Variants in E2F6 observed in about 807,000 individuals in gnomAD.
E2F6 encodes the protein E2F transcription factor 6.
Under a neutral mutation model 31.5 loss-of-function variants are expected in E2F6, and 19 were observed. The ratio of observed to expected loss-of-function variants is 0.60; its 90% CI spans 0.42 to 0.89. The LOEUF (loss-of-function observed/expected upper bound fraction) is 0.89. Among genes scored for constraint, E2F6 ranks in the 40% least tolerant of loss-of-function variants. E2F6 has a pLI of 0.00. For missense variants in E2F6, 269 were observed against 341.6 expected (o/e 0.79, Z 1.67); for synonymous variants, 121 against 127.7 (o/e 0.95, Z 0.36).
rs1243475130 is a variant in E2F6 at position 11,445,636 on chromosome 2, G to A, written c.*841C>T. The A allele has an allele frequency of 6.6e-6, 1 of 152,034 alleles. No individual in the cohort carries two copies. Among genetic ancestry groups the A allele is most frequent in the African/African-American group, 2.4e-5 (1 of 41,382 alleles). The allele number at this position is 152,034 out of a possible 1,614,324, so 9.4% of individuals were successfully genotyped here. ...CAATTATCACCATGACTGAATTCAT[G>A]TTTCACAATGAATTCAGCTATTTCC... On this transcript the variant is annotated 3_prime_UTR_variant, in exon 7 of 7. Transcript: ENST00000381525.
Position 11,466,036 on chromosome 2 carries a change from C to T in E2F6, c.-157G>A. 1.7e-6 allele frequency: 1 copy of T among 602,202 alleles called. No individual in the cohort carries two copies. The allele number at this position is 602,202 out of a possible 1,614,324, so 37.3% of individuals were successfully genotyped here. ...GAGGCGCCGCCCGGCTAGGCCGTCC[C>T]GCCCGCCAGTAAACGCGGCACGGCC... On this transcript the variant is annotated 5_prime_UTR_variant, in exon 1 of 7. Transcript: ENST00000381525.
At position 11,451,635 on chromosome 2, in the gene E2F6, T is replaced by C. The variant is rs1222282321; in HGVS notation, c.536+16A>G. 2 of 1,602,560 alleles carry C rather than the reference T, an allele frequency of 1.2e-6. No individual in the cohort carries two copies. The highest frequency in any genetic ancestry group is 1.7e-5 in the Admixed American group (1 of 57,832). On this transcript the variant is annotated intron_variant, in intron 4 of 6. Coordinates refer to ENST00000381525, the MANE Select transcript of E2F6 (RefSeq NM_198256.4). ...TGGAAGCAGAAATTTTAAAAAGGTA[T>C]AGACTTAAAGGATATCTTTCATTTT...
chr2:11,450,237 G>T, intron 4 of E2F6, 111 bp from the exon 5 acceptor site: 1 of 559,580 alleles, frequency 1.8e-6, no homozygotes, highest in South Asian at 3.3e-5. Flanking sequence ...TAGTTTTTAT[G>T]AGATACAAGT....
At chr2:11,458,625 A>G (rs887367868) in intron 1 of E2F6, among the ~76,000 whole-genome samples, 6 of 152,258 alleles carry the variant, frequency 3.9e-5, no homozygotes, top group African/African-American at 1.4e-4. Flanking sequence ...TATGGCAGCA[A>G]TATGGCAAAA....
chr2:11,450,175 G>A, intron 4 of E2F6, 49 bp from the exon 5 acceptor site: 1 of 1,248,730 alleles, frequency 8.0e-7, no homozygotes, highest in South Asian at 1.3e-5. Flanking sequence ...TACTGGGGAG[G>A]TAATTTATCT....
chr2:11,453,477 CCTTTGTATTAT>C, intron 3 of E2F6, 94 bp downstream of exon 3: 2 of 1,050,744 alleles, frequency 1.9e-6, no homozygotes. Context: ...AGAAGTCGTA[CCTTTGTATTAT>C]ATTGTCAAAA....
At chr2:11,447,405 C>G (rs1670784564) in intron 6 of E2F6, among the ~76,000 whole-genome samples, 1 of 152,172 alleles carries the variant, frequency 6.6e-6, no homozygotes, top group Non-Finnish European at 1.5e-5. Context: ...TTGGTATCAC[C>G]ATGGGACCAA....
At position 11,451,696 on chromosome 2, in the gene E2F6, C is replaced by T; in HGVS notation, c.491G>A (p.Cys164Tyr). 1 of 1,611,756 alleles carries T rather than the reference C, an allele frequency of 6.2e-7. No homozygotes were observed. Among genetic ancestry groups the T allele is most frequent in the Non-Finnish European group, 8.5e-7 (1 of 1,178,658 alleles). The change falls in exon 4 of 7, where the codon TGT becomes TAT. Residue 164 changes from cysteine to tyrosine, a missense_variant. Cys to Tyr is a radical substitution (Grantham distance 194). Transcript: ENST00000381525. ...TGTTAACTCAAACAGCTGCTGAGCA[C>T]AATCCTTAATTAACTCATCCAAAGC... is the stretch of plus-strand genomic sequence containing the variant. ...EDALDELIKD[C>Y]AQQLFELTDD... is the part of the protein sequence containing the mutation.
At chr2:11,465,188 AAAAAAAAAG>A (rs1436979762) in intron 1 of E2F6, among the ~76,000 whole-genome samples, 3 of 146,932 alleles carry the variant, frequency 2.0e-5, no homozygotes, top group South Asian at 4.3e-4. Context: ...CAAAAAAAAA[AAAAAAAAAG>A]AAAAAAAAGA....
chr2:11,459,883 CA>C (rs70953401), intron 1 of E2F6, among the ~76,000 whole-genome samples: 46,999 of 142,418 alleles, frequency 0.33, 8,549 homozygotes, highest in East Asian at 0.62. Context: ...GACTCCGTCT[CA>C]AAAAAAAAAA....
intron 4 of E2F6, 138 bp from the exon 5 acceptor site, chr2:11,450,264 C>G: frequency 2.5e-6 from 1 of 393,452 alleles, no homozygotes. Flanking sequence ...TTAAGGAAAG[C>G]AGTAAAAAAA....
At chr2:11,450,415 T>C (rs60341450) in intron 4 of E2F6, among the ~76,000 whole-genome samples, 1 of 152,158 alleles carries the variant, frequency 6.6e-6, no homozygotes, top group African/African-American at 2.4e-5. Context: ...GAGAAAAATA[T>C]TAATAAAGTC....
chr2:11,457,283 C>G, intron 1 of E2F6, 50 bp from the exon 2 acceptor site: 1 of 1,129,372 alleles, frequency 8.9e-7, no homozygotes, highest in Non-Finnish European at 1.3e-6. Flanking sequence ...AACAACAATG[C>G]AAACAAATAG....
At chr2:11,456,489 T>G (rs1671412689) in intron 2 of E2F6, among the ~76,000 whole-genome samples, 1 of 152,186 alleles carries the variant, frequency 6.6e-6, no homozygotes, top group African/African-American at 2.4e-5. Context: ...TCTGAGCAAC[T>G]CACCTCAGCC....
chr2:11,465,178 C>CAAAA (rs59561027), intron 1 of E2F6, among the ~76,000 whole-genome samples: 19 of 88,580 alleles, frequency 2.1e-4, no homozygotes, highest in Admixed American at 1.1e-3. Flanking sequence ...AACTCAATCT[C>CAAAA]AAAAAAAAAA....
intron 1 of E2F6, among the ~76,000 whole-genome samples, chr2:11,461,932 T>C (rs182303256): frequency 1.4e-3 from 211 of 152,382 alleles, no homozygotes; most frequent in Non-Finnish European, 1.8e-3. Flanking sequence ...ATAGCGTCAC[T>C]AAATTCTTTG....
At chr2:11,464,942 G>A (rs1316818962) in intron 1 of E2F6, among the ~76,000 whole-genome samples, 2 of 152,102 alleles carry the variant, frequency 1.3e-5, no homozygotes, top group South Asian at 2.1e-4. Context: ...GGGAGAGGTC[G>A]GGCTCGGTGG....
At chr2:11,464,300 G>A (rs577089828) in intron 1 of E2F6, among the ~76,000 whole-genome samples, 67 of 152,014 alleles carry the variant, frequency 4.4e-4, no homozygotes, top group Non-Finnish European at 7.2e-4. Flanking sequence ...GGATCACGAG[G>A]TCAGGAGATT....
chr2:11,454,923 G>A (rs1329991242), intron 2 of E2F6, among the ~76,000 whole-genome samples: 1 of 152,138 alleles, frequency 6.6e-6, no homozygotes, highest in Admixed American at 6.5e-5. Context: ...ATTCTTAATG[G>A]CTGCATGCTT....
Sources: gnomAD v4.1 joint callset for allele counts (sites outside exome capture counted in the v4.1 genomes callset) on GRCh38, gnomAD v4.1.1 for gene constraint, MANE v1.5 for transcripts, NCBI Gene and HGNC (gene_info 2026-07-23, HGNC 2026-07-21) for gene names.